Variants in CSMD1 observed in about 807,000 individuals in gnomAD.
The protein encoded by CSMD1 is CUB and Sushi multiple domains 1.
Under a neutral mutation model 417.5 loss-of-function variants are expected in CSMD1, and 213 were observed. The ratio of observed to expected loss-of-function variants is 0.51; its 90% CI spans 0.46 to 0.57. The LOEUF (loss-of-function observed/expected upper bound fraction) is 0.57, where lower values mean the gene tolerates loss of function less well. Among genes scored for constraint, CSMD1 ranks in the 20% least tolerant of loss-of-function variants. CSMD1 has a pLI of 0.00. For synonymous variants in CSMD1, 2,862 were observed against 1,736.8 expected (o/e 1.65, Z -16.11); for missense variants, 6,923 against 4,529.7 (o/e 1.53, Z -15.17).
chr8:4,904,674 G>T lies in CSMD1; in HGVS notation c.85+89658C>A, dbSNP rs539892595. Among the ~76,000 whole-genome samples, 11 of 152,246 alleles carry T rather than the reference G, an allele frequency of 7.2e-5. No individual in the cohort carries two copies. In the East Asian group the frequency reaches 1.9e-3, roughly 27 times the overall value. On this transcript the variant is annotated intron_variant, in intron 1 of 69. Coordinates refer to ENST00000635120, the MANE Select transcript of CSMD1 (RefSeq NM_033225.6). ...TCAAGAGTGTTGTGAGCCTGTCCTT[G>T]TTAAGTACTGGGGAAAACTAAAATG...
chr8:3,902,178 A>C (rs1289464131), intron 5 of CSMD1, among the ~76,000 whole-genome samples: 1 of 152,180 alleles, frequency 6.6e-6, no homozygotes, highest in African/African-American at 2.4e-5. Flanking sequence ...TACTAATAAA[A>C]TGGAGAATCT....
intron 26 of CSMD1, among the ~76,000 whole-genome samples, chr8:3,275,623 C>T (rs993465718): frequency 5.9e-5 from 9 of 152,080 alleles, no homozygotes; most frequent in East Asian, 1.9e-4. Flanking sequence ...AGGCTTTGCT[C>T]GTTTCTTTTT....
At chr8:3,776,080 A>C (rs1798871115) in intron 5 of CSMD1, among the ~76,000 whole-genome samples, 1 of 152,010 alleles carries the variant, frequency 6.6e-6, no homozygotes, top group Non-Finnish European at 1.5e-5. Context: ...TGTCCATACA[A>C]ATCTACTCTT....
chr8:3,949,961 G>A (rs1447818973), intron 5 of CSMD1: 1 of 455,952 alleles, frequency 2.2e-6, no homozygotes, highest in Non-Finnish European at 4.4e-6. Context: ...CATGCCAGCA[G>A]AGCGACGTGT....
chr8:3,301,578 G>A (rs1290641756), intron 25 of CSMD1, among the ~76,000 whole-genome samples: 4 of 152,122 alleles, frequency 2.6e-5, no homozygotes, highest in African/African-American at 9.7e-5. Flanking sequence ...AGTCAATGAG[G>A]AGAAACTCAA....
At position 3,060,238 on chromosome 8, in the gene CSMD1, C is replaced by T. The variant is rs555485090; in HGVS notation, c.7475-7591G>A. Among the ~76,000 whole-genome samples the T allele has an allele frequency of 1.2e-4, 18 of 151,832 alleles. No homozygotes were observed. In the South Asian group the frequency reaches 1.9e-3, roughly 16 times the overall value. On this transcript the variant is annotated intron_variant, in intron 49 of 69. Transcript: ENST00000635120. ...TCAGCTCACTCTAACCTCCACCTCC[C>T]GAGTTCAAGCGATTCTCCTGTCTCA... is the stretch of plus-strand genomic sequence containing the variant.
At chr8:3,870,446 G>C (rs964841374) in intron 5 of CSMD1, among the ~76,000 whole-genome samples, 9 of 152,022 alleles carry the variant, frequency 5.9e-5, no homozygotes, top group African/African-American at 2.2e-4. Context: ...TTTACATGTT[G>C]GTGGGTATTT....
At position 4,326,065 on chromosome 8, in the gene CSMD1, T is replaced by A. The variant is rs117212010; in HGVS notation, c.415+93888A>T. Among the ~76,000 whole-genome samples the A allele has an allele frequency of 9.9e-5, 15 of 152,272 alleles. No individual in the cohort carries two copies. In the East Asian group the frequency reaches 2.3e-3, roughly 24 times the overall value. On this transcript the variant is annotated intron_variant, in intron 3 of 69. Transcript: ENST00000635120. ...GACCTAACACGGGATTCTCCAACAC[T>A]AGCATTCATCAGCATTACCAGAACG...
At chr8:3,051,477 A>C (rs1430572791) in intron 50 of CSMD1, among the ~76,000 whole-genome samples, 1 of 152,178 alleles carries the variant, frequency 6.6e-6, no homozygotes, top group Non-Finnish European at 1.5e-5. Flanking sequence ...AAGGATTCAA[A>C]GACTGTCTCT....
At chr8:2,966,522 T>C in intron 58 of CSMD1, 48 bp downstream of exon 58, 1 of 1,538,232 alleles carries the variant, frequency 6.5e-7, no homozygotes, top group South Asian at 1.2e-5. Flanking sequence ...CCCAATGGAG[T>C]GAATTTCATA....
chr8:4,066,629 C>G (rs1402258358), intron 3 of CSMD1, among the ~76,000 whole-genome samples: 2 of 152,200 alleles, frequency 1.3e-5, no homozygotes, highest in South Asian at 2.1e-4. Flanking sequence ...TTACTAACCA[C>G]TAACAGCTCT....
chr8:4,344,300 C>T (rs897100231), intron 3 of CSMD1, among the ~76,000 whole-genome samples: 5 of 152,080 alleles, frequency 3.3e-5, no homozygotes, highest in Non-Finnish European at 5.9e-5. Flanking sequence ...TCTAGTTTAA[C>T]AAAACATTTC....
chr8:4,143,827 C>G (rs1803946176), intron 3 of CSMD1, among the ~76,000 whole-genome samples: 1 of 151,120 alleles, frequency 6.6e-6, no homozygotes, highest in Admixed American at 6.6e-5. Flanking sequence ...ACACAGTTTT[C>G]TGGGATTTAA....
At chr8:3,816,022 TGTCTGTGTTATTAGGTCCCCGTGG>T (rs1266063178) in intron 5 of CSMD1, among the ~76,000 whole-genome samples, 2 of 152,218 alleles carry the variant, frequency 1.3e-5, no homozygotes, top group Admixed American at 6.5e-5. Flanking sequence ...AGTAAGATAT[TGTCTGTGTTATTAGGTCCCCGTGG>T]GTTGGTTCTG....
intron 2 of CSMD1, among the ~76,000 whole-genome samples, chr8:4,478,345 C>G (rs1277035651): frequency 6.6e-6 from 1 of 152,192 alleles, no homozygotes; most frequent in Non-Finnish European, 1.5e-5. Flanking sequence ...ATTTTTACAT[C>G]TTCTAAGCTC....
chr8:3,364,964 C>T (rs1809457068), intron 20 of CSMD1, among the ~76,000 whole-genome samples: 3 of 152,210 alleles, frequency 2.0e-5, no homozygotes, highest in Admixed American at 2.0e-4. Context: ...TTTGCACAGA[C>T]TTCTGAGAAA....
intron 2 of CSMD1, among the ~76,000 whole-genome samples, chr8:4,542,907 T>G (rs917769783): frequency 4.6e-5 from 7 of 152,338 alleles, no homozygotes; most frequent in Admixed American, 3.3e-4. Flanking sequence ...TTTTGAATAT[T>G]TATCTAATGT....
At position 3,708,396 on chromosome 8, in the gene CSMD1, G is replaced by C. The variant is rs374750386; in HGVS notation, c.1009+18C>G. The C allele has an allele frequency of 4.3e-6, 7 of 1,609,708 alleles. No homozygotes were observed. The highest frequency in any genetic ancestry group is 3.3e-5 in the Admixed American group (2 of 59,998). On this transcript the variant is annotated intron_variant, in intron 7 of 69. Coordinates refer to ENST00000635120, the MANE Select transcript of CSMD1 (RefSeq NM_033225.6). ...ACAAGGGCGTATCAATCCTCAGATA[G>C]AAAGGAAAGGGACTCACAGACAGAG... is the stretch of plus-strand genomic sequence containing the variant.
At chr8:4,846,975 G>C (rs146840742) in intron 1 of CSMD1, among the ~76,000 whole-genome samples, 3 of 151,872 alleles carry the variant, frequency 2.0e-5, no homozygotes, top group East Asian at 1.9e-4. Context: ...TTTTTTTCAA[G>C]ATCCCTTACA....
Sources: allele counts gnomAD v4.1 joint callset (sites outside exome capture counted in the v4.1 genomes callset), GRCh38; gene constraint gnomAD v4.1.1; transcripts MANE v1.5; gene names NCBI Gene and HGNC (gene_info 2026-07-23, HGNC 2026-07-21).